Variants in TULP4 observed in about 807,000 individuals in gnomAD.
TULP4 encodes the protein TUB like protein 4, also known as tubby-related protein 4.
TULP4 carries 16 observed loss-of-function variants against 129.0 expected under a neutral mutation model. The ratio of observed to expected loss-of-function variants is 0.12; its 90% CI spans 0.08 to 0.19. The LOEUF (loss-of-function observed/expected upper bound fraction) is 0.19, where lower values mean the gene tolerates loss of function less well. Ranked by LOEUF, TULP4 falls within the 10% of genes least tolerant of loss-of-function variation. TULP4 has a pLI of 1.00. For missense variants in TULP4, 1,842 were observed against 2,059.1 expected, an observed-to-expected ratio of 0.89 and a Z score of 2.04; for synonymous variants, 998 against 854.0, an observed-to-expected ratio of 1.17 and a Z score of -2.94.
rs1276835824 is a variant in TULP4 at position 158,491,184 on chromosome 6, G to A, written c.1631+1452G>A. 2.0e-5 allele frequency among the ~76,000 whole-genome samples: 3 copies of A among 152,184 alleles called. No individual in the cohort carries two copies. In the East Asian group the frequency reaches 5.8e-4, roughly 29 times the overall value. The stretch of plus-strand genomic sequence containing the variant: ...CCAGTTTCTTCCATCCTCAGCAGCG[G>A]CTCTGTTGTCATTTTTTAGAAATAA... On this transcript the variant is annotated intron_variant, in intron 9 of 13. Coordinates refer to ENST00000367097, the MANE Select transcript of TULP4 (RefSeq NM_020245.5).
intron 1 of TULP4, among the ~76,000 whole-genome samples, chr6:158,343,633 T>C (rs545540715): frequency 6.4e-4 from 97 of 152,268 alleles, no homozygotes; most frequent in African/African-American, 2.3e-3. Flanking sequence ...AGCCCCACCA[T>C]GCTGGCCCCC....
chr6:158,493,845 C>T lies in TULP4; in HGVS notation c.1776+128C>T. 1 of 1,059,468 alleles carries T rather than the reference C, an allele frequency of 9.4e-7. No individual in the cohort carries two copies. The highest frequency in any genetic ancestry group is 3.0e-5 in the East Asian group (1 of 33,122). 65.6% of individuals were successfully genotyped at this position (1,059,468 alleles called of 1,614,324 possible). On this transcript the variant is annotated intron_variant, in intron 10 of 13. Coordinates refer to ENST00000367097, the MANE Select transcript of TULP4 (RefSeq NM_020245.5). This position sits in a 1 kb window ranked among gnomAD's most constrained non-coding sequence, Gnocchi z 4.4. ...TCCCTGAGCTCTGCTCCACATCCTG[C>T]ACACCACCTACTACCTCAGGAGTAG...
At chr6:158,336,811 C>G (rs554226458) in intron 1 of TULP4, among the ~76,000 whole-genome samples, 4 of 152,086 alleles carry the variant, frequency 2.6e-5, no homozygotes, top group Non-Finnish European at 4.4e-5. Context: ...ATTTTTTGGT[C>G]TATTTTGAAT....
chr6:158,363,593 C>T (rs746723447), intron 1 of TULP4, among the ~76,000 whole-genome samples: 1 of 152,184 alleles, frequency 6.6e-6, no homozygotes, highest in African/African-American at 2.4e-5. Flanking sequence ...AAGTGATTCT[C>T]CTGCCTTAGC....
At chr6:158,425,138 A>AT (rs780118808) in intron 2 of TULP4, among the ~76,000 whole-genome samples, 41 of 109,392 alleles carry the variant, frequency 3.7e-4, no homozygotes, top group Non-Finnish European at 3.4e-4. Context: ...TGGGTGGCAG[A>AT]GTGAGACACC....
At position 158,316,864 on chromosome 6, in the gene TULP4, C is replaced by T. The variant is rs76711226; in HGVS notation, c.252+2596C>T. On this transcript the variant is annotated intron_variant, in intron 1 of 13. Coordinates refer to ENST00000367097, the MANE Select transcript of TULP4 (RefSeq NM_020245.5). ...TTGTGGTTGTAGGACTGAGGACCTC[C>T]GGTCTTAGAGGCCCTCACTAGTCCC... is the stretch of plus-strand genomic sequence containing the variant. Among the ~76,000 whole-genome samples, 740 of 152,314 alleles carry T rather than the reference C, an allele frequency of 4.9e-3. 6 individuals are homozygous for T. The highest frequency in any genetic ancestry group is 0.016 in the African/African-American group (669 of 41,566).
Position 158,493,526 on chromosome 6 carries a change from C to T in TULP4, c.1632-47C>T. Reference sequence around the variant, plus strand: ...ACTGCTGGAGTCAGGGCCATGCTCACCATTCCCGCCACGGATGCCTGACCC... The same window carrying T: ...ACTGCTGGAGTCAGGGCCATGCTCATCATTCCCGCCACGGATGCCTGACCC... On this transcript the variant is annotated intron_variant, in intron 9 of 13. Transcript: ENST00000367097. This position sits in a 1 kb window ranked among gnomAD's most constrained non-coding sequence, Gnocchi z 4.4. The T allele has an allele frequency of 7.0e-7, 1 of 1,429,986 alleles. No individual in the cohort carries two copies. 88.6% of individuals were successfully genotyped at this position (1,429,986 alleles called of 1,614,324 possible).
At chr6:158,496,895 T>A (rs1038262713) in intron 11 of TULP4, among the ~76,000 whole-genome samples, 1 of 152,214 alleles carries the variant, frequency 6.6e-6, no homozygotes, top group Non-Finnish European at 1.5e-5. Flanking sequence ...TCACCCATGC[T>A]AGAGTGCAGT....
intron 3 of TULP4, among the ~76,000 whole-genome samples, chr6:158,433,096 C>T (rs1459474368): frequency 6.6e-6 from 1 of 152,164 alleles, no homozygotes; most frequent in Admixed American, 6.5e-5. Context: ...AATTCATGTA[C>T]AGCAGTTGGT....
At chr6:158,301,299 C>T (rs567181973) in intron 1 of TULP4, among the ~76,000 whole-genome samples, 1 of 152,266 alleles carries the variant, frequency 6.6e-6, no homozygotes, top group South Asian at 2.1e-4. Context: ...ATTTCTGTTA[C>T]TGGAGCCATC....
intron 2 of TULP4, among the ~76,000 whole-genome samples, chr6:158,416,165 G>T (rs1455171748): frequency 6.6e-6 from 1 of 152,222 alleles, no homozygotes; most frequent in African/African-American, 2.4e-5. Context: ...TATTCTAGCT[G>T]CGCTGGCAGC....
intron 1 of TULP4, chr6:158,238,509 A>C (rs1291442600): frequency 3.3e-5 from 10 of 304,738 alleles, no homozygotes; most frequent in Non-Finnish European, 3.4e-5. Flanking sequence ...ACAATAGTGG[A>C]GGGAAGGTCA....
intron 1 of TULP4, among the ~76,000 whole-genome samples, chr6:158,249,242 C>G (rs74826620): frequency 0.03 from 4,584 of 151,866 alleles, 93 homozygotes; most frequent in Non-Finnish European, 0.039. Context: ...AAATGAGAAA[C>G]TCAGTCTTAT....
At chr6:158,439,297 G>T (rs901087256) in intron 3 of TULP4, among the ~76,000 whole-genome samples, 2 of 152,134 alleles carry the variant, frequency 1.3e-5, no homozygotes, top group African/African-American at 4.8e-5. Flanking sequence ...TTCATTATTT[G>T]CAAGGAGCTT....
chr6:158,399,109 T>TCTATATA (rs1777786727), intron 1 of TULP4, among the ~76,000 whole-genome samples: 6 of 152,356 alleles, frequency 3.9e-5, no homozygotes, highest in Non-Finnish European at 7.3e-5. Flanking sequence ...TAAATCCTAA[T>TCTATATA]GTAGTGAGGA....
intron 3 of TULP4, among the ~76,000 whole-genome samples, chr6:158,430,275 C>T (rs182044291): frequency 9.9e-5 from 15 of 152,036 alleles, no homozygotes; most frequent in Admixed American, 9.8e-4. Flanking sequence ...AACAAAGAAG[C>T]CCATCCACAT....
intron 1 of TULP4, among the ~76,000 whole-genome samples, chr6:158,274,639 T>C (rs1778610328): frequency 6.6e-6 from 1 of 151,932 alleles, no homozygotes; most frequent in African/African-American, 2.4e-5. Context: ...CAGCCGGGTG[T>C]GGTGGCGGGC....
chr6:158,442,515 G>A lies in TULP4; in HGVS notation c.544-6481G>A, dbSNP rs114798418. Among the ~76,000 whole-genome samples the A allele has an allele frequency of 3.4e-3, 512 of 151,900 alleles. 2 individuals carry two copies. The highest frequency in any genetic ancestry group is 9.9e-3 in the African/African-American group (409 of 41,412). ...GGCCAAGCAGATTCCAGCATCACTC[G>A]CGGTCTTCTGATCAAAGTACACATG... On this transcript the variant is annotated intron_variant, in intron 3 of 13. Coordinates refer to ENST00000367097, the MANE Select transcript of TULP4 (RefSeq NM_020245.5).
At chr6:158,240,250 G>A (rs1461615695) in intron 1 of TULP4, among the ~76,000 whole-genome samples, 1 of 81,308 alleles carries the variant, frequency 1.2e-5, no homozygotes, top group South Asian at 4.7e-4. Flanking sequence ...GGACGGGGCG[G>A]CTGGCCGGGC....
Sources: allele counts gnomAD v4.1 joint callset (sites outside exome capture counted in the v4.1 genomes callset), GRCh38; gene constraint gnomAD v4.1.1; non-coding constraint Gnocchi (gnomAD v3.1); transcripts MANE v1.5; gene names NCBI Gene and HGNC (gene_info 2026-07-23, HGNC 2026-07-21).